The following DCC variants were observed in gnomAD, a reference collection of about 807,000 sequenced individuals.
DCC encodes netrin receptor DCC.
Under a neutral mutation model 172.5 loss-of-function variants are expected in DCC, and 58 were observed. That is an observed-to-expected ratio of 0.34 (90% CI 0.27 to 0.42). The LOEUF (loss-of-function observed/expected upper bound fraction) is 0.42, where lower values mean the gene tolerates loss of function less well. DCC is among the 10% of genes least tolerant of loss of function. The pLI is 1.00. For missense variants in DCC, 1,740 were observed against 1,791.0 expected, an observed-to-expected ratio of 0.97 and a Z score of 0.51; for synonymous variants, 709 against 644.5, an observed-to-expected ratio of 1.10 and a Z score of -1.52.
intron 1 of DCC, among the ~76,000 whole-genome samples, chr18:52,674,792 C>A (rs192465234): frequency 2.6e-5 from 4 of 152,200 alleles, no homozygotes; most frequent in South Asian, 2.1e-4. Context: ...GCCATCTGAA[C>A]GGACTTTCTC....
intron 12 of DCC, among the ~76,000 whole-genome samples, chr18:53,241,014 A>G (rs1323925946): frequency 6.6e-6 from 1 of 152,272 alleles, no homozygotes; most frequent in East Asian, 1.9e-4. Context: ...GAAAGTCCTC[A>G]GCAATATTAC....
intron 21 of DCC, chr18:53,416,366 T>C (rs764427578): frequency 1.4e-6 from 1 of 695,096 alleles, no homozygotes; most frequent in African/African-American, 1.7e-5. Context: ...GAGGAAATTG[T>C]TTTGTCTCCA....
chr18:53,264,673 T>C (rs73463039), intron 12 of DCC, among the ~76,000 whole-genome samples: 8,273 of 152,030 alleles, frequency 0.054, 781 homozygotes, highest in African/African-American at 0.19. Context: ...TCAGGTTCAG[T>C]GGAAGACAGA....
chr18:52,810,864 G>C (rs954290776), intron 2 of DCC, among the ~76,000 whole-genome samples: 3 of 152,080 alleles, frequency 2.0e-5, no homozygotes, highest in Non-Finnish European at 4.4e-5. Context: ...TCGGAGGTAG[G>C]GTTTCACTGG....
At chr18:52,970,111 C>A (rs1398105471) in intron 5 of DCC, among the ~76,000 whole-genome samples, 2 of 152,004 alleles carry the variant, frequency 1.3e-5, no homozygotes, top group African/African-American at 4.8e-5. Context: ...ACATATAAAT[C>A]TTAAATGCTC....
intron 1 of DCC, among the ~76,000 whole-genome samples, chr18:52,439,915 T>A (rs1987922411): frequency 6.6e-6 from 1 of 151,982 alleles, no homozygotes; most frequent in Non-Finnish European, 1.5e-5. Context: ...AATAAAAAAA[T>A]GAATAAATGA....
At chr18:52,493,022 G>A (rs902680025) in intron 1 of DCC, among the ~76,000 whole-genome samples, 1 of 152,020 alleles carries the variant, frequency 6.6e-6, no homozygotes, top group African/African-American at 2.4e-5. Context: ...TGCAGAAGAG[G>A]GTGTGAAAGA....
chr18:52,895,794 G>A (rs1204889584), intron 2 of DCC, among the ~76,000 whole-genome samples: 1 of 151,826 alleles, frequency 6.6e-6, no homozygotes, highest in Non-Finnish European at 1.5e-5. Flanking sequence ...TGGTTTTTTT[G>A]TTTGTTTTGG....
intron 9 of DCC, among the ~76,000 whole-genome samples, chr18:53,179,739 A>G (rs2055166676): frequency 6.6e-6 from 1 of 152,200 alleles, no homozygotes; most frequent in African/African-American, 2.4e-5. Flanking sequence ...ATAAAGGAAG[A>G]GCTCCAGAAT....
At chr18:53,351,970 A>G (rs182927829) in intron 15 of DCC, among the ~76,000 whole-genome samples, 21 of 152,168 alleles carry the variant, frequency 1.4e-4, no homozygotes, top group Admixed American at 7.9e-4. Context: ...TCAAAGTTAA[A>G]TGTTACTTTA....
intron 1 of DCC, among the ~76,000 whole-genome samples, chr18:52,565,558 T>A (rs932498679): frequency 4.0e-4 from 61 of 152,348 alleles, no homozygotes; most frequent in African/African-American, 1.4e-3. Context: ...TGGTATCTCA[T>A]TGTGGTTTTG....
At chr18:53,116,295 A>G (rs558713308) in intron 7 of DCC, among the ~76,000 whole-genome samples, 1 of 151,840 alleles carries the variant, frequency 6.6e-6, no homozygotes, top group African/African-American at 2.4e-5. Context: ...CCGTTACAGA[A>G]TTTTTGGGAG....
At chr18:52,518,272 C>T (rs965968201) in intron 1 of DCC, among the ~76,000 whole-genome samples, 20 of 152,198 alleles carry the variant, frequency 1.3e-4, no homozygotes, top group African/African-American at 2.6e-4. Context: ...TCTGAGATTC[C>T]GTAAGAAAAA....
At chr18:52,594,698 G>A (rs2033871038) in intron 1 of DCC, among the ~76,000 whole-genome samples, 1 of 152,168 alleles carries the variant, frequency 6.6e-6, no homozygotes, top group Non-Finnish European at 1.5e-5. Flanking sequence ...GCCTCAGGAA[G>A]CTTTTACTCA....
intron 7 of DCC, among the ~76,000 whole-genome samples, chr18:53,088,409 A>G (rs991895400): frequency 1.1e-4 from 17 of 152,064 alleles, no homozygotes; most frequent in South Asian, 6.2e-4. Flanking sequence ...CTGTTTGTCT[A>G]TTATTGGTGT....
intron 21 of DCC, among the ~76,000 whole-genome samples, chr18:53,434,843 C>T (rs1911837410): frequency 6.6e-6 from 1 of 152,152 alleles, no homozygotes; most frequent in Non-Finnish European, 1.5e-5. Flanking sequence ...TAGACCGGCA[C>T]TGCTGCTGCA....
chr18:52,521,385 G>T (rs1347310120), intron 1 of DCC, among the ~76,000 whole-genome samples: 2 of 152,104 alleles, frequency 1.3e-5, no homozygotes, highest in Admixed American at 6.5e-5. Context: ...TGGACTGTTT[G>T]CTTTAAACGA....
At chr18:53,173,322 T>C (rs1200492910) in intron 8 of DCC, among the ~76,000 whole-genome samples, 2 of 152,080 alleles carry the variant, frequency 1.3e-5, no homozygotes, top group Non-Finnish European at 2.9e-5. Flanking sequence ...AAAGAATGCC[T>C]AAACCTCAGG....
At chr18:53,414,227 A>G (rs1299903758) in intron 20 of DCC, among the ~76,000 whole-genome samples, 1 of 152,222 alleles carries the variant, frequency 6.6e-6, no homozygotes, top group African/African-American at 2.4e-5. Flanking sequence ...CCACTAGCCC[A>G]TCAGAGAGTG....
Sources: gnomAD v4.1 joint callset for allele counts (sites outside exome capture counted in the v4.1 genomes callset) on GRCh38, gnomAD v4.1.1 for gene constraint, MANE v1.5 for transcripts, NCBI Gene and HGNC (gene_info 2026-07-23, HGNC 2026-07-21) for gene names.